The following ATF6 variants were observed in gnomAD, a reference collection of about 807,000 sequenced individuals.
The protein encoded by ATF6 is cyclic AMP-dependent transcription factor ATF-6 alpha.
Under a neutral mutation model 83.6 loss-of-function variants are expected in ATF6, and 53 were observed. The observed-to-expected ratio is 0.63, with a 90% confidence interval of 0.51 to 0.80. ATF6 has a LOEUF of 0.80. Among genes scored for constraint, ATF6 ranks in the 30% least tolerant of loss-of-function variants. The probability of loss-of-function intolerance (pLI) is 0.00; values close to 1 mark genes in which losing one functional copy is unlikely to be tolerated. For synonymous variants in ATF6, 288 were observed against 285.8 expected (o/e 1.01, Z -0.08); for missense variants, 744 against 797.9 (o/e 0.93, Z 0.81).
intron 7 of ATF6, among the ~76,000 whole-genome samples, chr1:161,804,675 T>A (rs575256550): frequency 3.2e-4 from 34 of 106,222 alleles, no homozygotes; most frequent in African/African-American, 8.5e-4. Flanking sequence ...GCAACCCCCC[T>A]GCCTTTTTTT....
chr1:161,961,886 T>A lies in ATF6; in HGVS notation c.*3232T>A, dbSNP rs1689108363. The A allele has an allele frequency of 6.6e-6, 1 of 152,182 alleles. No individual in the cohort carries two copies. The highest frequency in any genetic ancestry group is 1.5e-5 in the Non-Finnish European group (1 of 68,030). 9.4% of individuals were successfully genotyped at this position (152,182 alleles called of 1,614,324 possible). The stretch of plus-strand genomic sequence containing the variant: ...TCCTCATGTTAACTACTGAATCAGA[T>A]GTTAGGAGCTTGTCCCTTTGGGGTT... On this transcript the variant is annotated 3_prime_UTR_variant, in exon 16 of 16. Transcript: ENST00000367942.
intron 14 of ATF6, among the ~76,000 whole-genome samples, chr1:161,885,334 G>A (rs941977311): frequency 6.6e-6 from 1 of 152,100 alleles, no homozygotes; most frequent in African/African-American, 2.4e-5. Flanking sequence ...TCCCCAGTAT[G>A]TTCCTTTTGC....
chr1:161,955,607 G>A (rs1688951883), intron 15 of ATF6, among the ~76,000 whole-genome samples: 1 of 152,230 alleles, frequency 6.6e-6, no homozygotes, highest in Admixed American at 6.5e-5. Flanking sequence ...AAGGGTGTTA[G>A]TACTAAGCCA....
At chr1:161,929,774 A>C (rs1028204756) in intron 15 of ATF6, among the ~76,000 whole-genome samples, 4 of 152,206 alleles carry the variant, frequency 2.6e-5, no homozygotes, top group African/African-American at 9.7e-5. Context: ...GTGTTCCTAA[A>C]CCAGTTTACA....
chr1:161,792,154 A>G lies in ATF6; in HGVS notation c.515A>G (p.Gln172Arg), dbSNP rs753854084. 3.1e-6 allele frequency: 5 copies of G among 1,614,036 alleles called. No homozygotes were observed. The highest frequency in any genetic ancestry group is 1.1e-5 in the South Asian group (1 of 91,074). Residue 172 changes from glutamine to arginine, a missense_variant, in exon 6 of 16, where the codon CAG becomes CGG. Physicochemically the swap from Gln to Arg is conservative, Grantham distance 43. Transcript: ENST00000367942. ...ENGLTPKKKI[Q>R]VNSKPSIQPK... ...GGACTGACTCCAAAGAAAAAAATTC[A>G]GGTGAATTCAAAACCTTCAATTCAG...
chr1:161,831,665 A>G (rs1334289394), intron 9 of ATF6, among the ~76,000 whole-genome samples: 1 of 152,048 alleles, frequency 6.6e-6, no homozygotes, highest in Non-Finnish European at 1.5e-5. Context: ...TGAATCTGGA[A>G]ACCATCATTC....
chr1:161,792,089 C>T lies in ATF6; in HGVS notation c.485-35C>T, dbSNP rs762315249. On this transcript the variant is annotated intron_variant, in intron 5 of 15. Coordinates refer to ENST00000367942, the MANE Select transcript of ATF6 (RefSeq NM_007348.4). Reference sequence around the variant, plus strand: ...TTTTTAGGGCTTGCGTAATTGCTTTCACATTGACTTGTGGTTTGTCTGGTT... The same window carrying T: ...TTTTTAGGGCTTGCGTAATTGCTTTTACATTGACTTGTGGTTTGTCTGGTT... 7 of 1,592,010 alleles carry T rather than the reference C, an allele frequency of 4.4e-6. No individual in the cohort carries two copies. In the East Asian group the frequency reaches 1.1e-4, roughly 25 times the overall value.
At chr1:161,935,748 G>A (rs1688522768) in intron 15 of ATF6, among the ~76,000 whole-genome samples, 1 of 152,206 alleles carries the variant, frequency 6.6e-6, no homozygotes, top group African/African-American at 2.4e-5. Flanking sequence ...AGGAAAGAAT[G>A]ATTTAATATA....
chr1:161,836,858 C>G (rs1203194792), intron 9 of ATF6, among the ~76,000 whole-genome samples: 2 of 152,138 alleles, frequency 1.3e-5, no homozygotes, highest in East Asian at 3.8e-4. Context: ...CATCCCTTGC[C>G]AACTTAAGAG....
At chr1:161,933,906 G>A (rs908343304) in intron 15 of ATF6, among the ~76,000 whole-genome samples, 15 of 152,088 alleles carry the variant, frequency 9.9e-5, no homozygotes, top group African/African-American at 3.1e-4. Flanking sequence ...TACATGGCTC[G>A]CTTCACTTCA....
chr1:161,806,269 C>T (rs1285616533), intron 7 of ATF6, among the ~76,000 whole-genome samples: 1 of 152,320 alleles, frequency 6.6e-6, no homozygotes, highest in South Asian at 2.1e-4. Flanking sequence ...TGCCACACAT[C>T]AAACCAAGGG....
chr1:161,868,745 AAGTTT>A, intron 14 of ATF6, among the ~76,000 whole-genome samples: 1 of 152,270 alleles, frequency 6.6e-6, no homozygotes, highest in South Asian at 2.1e-4. Context: ...TGCCAGTAGA[AAGTTT>A]AGTTAAAGAT....
chr1:161,817,787 G>C (rs1363558984), intron 7 of ATF6, among the ~76,000 whole-genome samples: 13 of 152,026 alleles, frequency 8.6e-5, no homozygotes, highest in Non-Finnish European at 1.9e-4. Flanking sequence ...GGTGGGAATT[G>C]TGTTGTTGTT....
chr1:161,944,283 T>TC (rs2101912622), intron 15 of ATF6, among the ~76,000 whole-genome samples: 1 of 152,288 alleles, frequency 6.6e-6, no homozygotes, highest in East Asian at 1.9e-4. Flanking sequence ...GAGCAGTCCT[T>TC]CCCTTGGACT....
At chr1:161,784,728 T>C (rs1684708488) in intron 4 of ATF6, among the ~76,000 whole-genome samples, 1 of 152,230 alleles carries the variant, frequency 6.6e-6, no homozygotes, top group Admixed American at 6.5e-5. Flanking sequence ...GTGGTATCTT[T>C]GTTCCTGCAG....
At chr1:161,805,447 G>T (rs1273393315) in intron 7 of ATF6, among the ~76,000 whole-genome samples, 4 of 151,982 alleles carry the variant, frequency 2.6e-5, no homozygotes, top group African/African-American at 9.7e-5. Flanking sequence ...TTTTTACTTG[G>T]CCAGCACATC....
At chr1:161,939,364 G>A (rs923883083) in intron 15 of ATF6, among the ~76,000 whole-genome samples, 7 of 152,090 alleles carry the variant, frequency 4.6e-5, no homozygotes, top group Non-Finnish European at 7.4e-5. Flanking sequence ...TGTGCACAAC[G>A]TGCAGGTTTG....
chr1:161,770,633 C>T (rs1297746204), intron 1 of ATF6, among the ~76,000 whole-genome samples: 1 of 152,090 alleles, frequency 6.6e-6, no homozygotes, highest in African/African-American at 2.4e-5. Context: ...CTGTATCTCT[C>T]GATATAGTAA....
At chr1:161,800,346 AT>A (rs1425495639) in intron 6 of ATF6, among the ~76,000 whole-genome samples, 1 of 152,176 alleles carries the variant, frequency 6.6e-6, no homozygotes, top group Non-Finnish European at 1.5e-5. Context: ...TTTATATAAT[AT>A]TTTAAATAAT....
Sources: allele counts gnomAD v4.1 joint callset (sites outside exome capture counted in the v4.1 genomes callset), GRCh38; gene constraint gnomAD v4.1.1; transcripts MANE v1.5; gene names NCBI Gene and HGNC (gene_info 2026-07-23, HGNC 2026-07-21).